Variants in ANKRD6 observed in about 807,000 individuals in gnomAD.
The protein encoded by ANKRD6 is ankyrin repeat domain 6, also known as ankyrin repeat domain-containing protein 6.
A neutral mutation model predicts 82.3 loss-of-function variants in ANKRD6; 56 were observed. That is an observed-to-expected ratio of 0.68 (90% confidence interval 0.55 to 0.85). ANKRD6 has a LOEUF of 0.85. Ranked by LOEUF, ANKRD6 falls within the 40% of genes least tolerant of loss-of-function variation. The pLI, the probability that ANKRD6 is intolerant of heterozygous loss-of-function variation, is 0.00. For missense variants in ANKRD6, 852 were observed against 907.6 expected (o/e 0.94, Z 0.79); for synonymous variants, 347 against 352.1 (o/e 0.99, Z 0.16).
At chr6:89,516,055 C>T (rs554939503) in intron 1 of ANKRD6, among the ~76,000 whole-genome samples, 12 of 152,292 alleles carry the variant, frequency 7.9e-5, no homozygotes, top group African/African-American at 2.2e-4. Context: ...GACTTTTGGC[C>T]TCCAAAACTG....
chr6:89,590,820 C>T (rs1193164276), intron 2 of ANKRD6, among the ~76,000 whole-genome samples: 1 of 152,202 alleles, frequency 6.6e-6, no homozygotes, highest in Non-Finnish European at 1.5e-5. Context: ...TCCCAAGCCT[C>T]AGTTTCCTTA....
intron 6 of ANKRD6, among the ~76,000 whole-genome samples, chr6:89,612,916 A>C (rs1800581353): frequency 6.6e-6 from 1 of 152,222 alleles, no homozygotes; most frequent in Non-Finnish European, 1.5e-5. Flanking sequence ...CGTTGGCTAA[A>C]TAAATAAATA....
chr6:89,589,505 C>A (rs1436134585), intron 2 of ANKRD6, among the ~76,000 whole-genome samples: 1 of 152,240 alleles, frequency 6.6e-6, no homozygotes, highest in African/African-American at 2.4e-5. Flanking sequence ...TTACCTTTGG[C>A]TGGGCTCCCT....
intron 1 of ANKRD6, among the ~76,000 whole-genome samples, chr6:89,496,147 A>G (rs1778587088): frequency 6.6e-6 from 1 of 151,482 alleles, no homozygotes; most frequent in African/African-American, 2.4e-5. Flanking sequence ...AACACTGACA[A>G]TGGGGATTAG....
chr6:89,558,654 G>A (rs967389872), intron 1 of ANKRD6, among the ~76,000 whole-genome samples: 9 of 152,216 alleles, frequency 5.9e-5, no homozygotes, highest in Non-Finnish European at 1.2e-4. Context: ...CAGATGCATG[G>A]TATTATTCAT....
At chr6:89,598,031 G>C (rs1435490171) in intron 3 of ANKRD6, 1 of 877,704 alleles carries the variant, frequency 1.1e-6, no homozygotes, top group African/African-American at 1.8e-5. Flanking sequence ...GTCTTGGATG[G>C]TGGGTAGAAA....
intron 1 of ANKRD6, among the ~76,000 whole-genome samples, chr6:89,513,213 G>A (rs1780768774): frequency 6.6e-6 from 1 of 152,146 alleles, no homozygotes; most frequent in African/African-American, 2.4e-5. Context: ...TGTCATGGCT[G>A]TTTTTTCTTT....
In ANKRD6 at chr6:89,606,074, A is replaced by G; in HGVS notation, c.386A>G (p.Lys129Arg). 1 of 1,584,262 alleles carries G rather than the reference A, an allele frequency of 6.3e-7. No individual in the cohort carries two copies. Among genetic ancestry groups the G allele is most frequent in the Non-Finnish European group, 8.6e-7 (1 of 1,164,604 alleles). Residue 129 changes from lysine (K) to arginine (R), a missense_variant, in exon 5 of 16, where the codon AAA becomes AGA. Coordinates refer to ENST00000339746, the MANE Select transcript of ANKRD6 (RefSeq NM_001242809.2). ...AGCCAGTCAGCCAAGCTGCTCATTA[A>G]AGCAGGAGCCAACGTGCTTGCCAAG... Reference protein sequence around the residue: ...GFSQSAKLLIKAGANVLAKNK... With the variant: ...GFSQSAKLLIRAGANVLAKNK...
chr6:89,628,048 A>G lies in ANKRD6; in HGVS notation c.1485+352A>G, dbSNP rs115658661. ...TTACTGTCTCACCAAGATAAGAGAC[A>G]TGGAATGAGTACAGTGAGTGTGTGA... is the stretch of plus-strand genomic sequence containing the variant. On this transcript the variant is annotated intron_variant, in intron 14 of 15. Coordinates refer to ENST00000339746, the MANE Select transcript of ANKRD6 (RefSeq NM_001242809.2). Among the ~76,000 whole-genome samples, 433 of 152,310 alleles carry G rather than the reference A, an allele frequency of 2.8e-3. 1 individual carries two copies. Among genetic ancestry groups the G allele is most frequent in the African/African-American group, 0.01 (417 of 41,568 alleles).
At chr6:89,560,029 C>T (rs923832509) in intron 1 of ANKRD6, among the ~76,000 whole-genome samples, 2 of 152,030 alleles carry the variant, frequency 1.3e-5, no homozygotes, top group Admixed American at 6.5e-5. Flanking sequence ...TCTGTGTTCC[C>T]GGCACCATGA....
intron 1 of ANKRD6, among the ~76,000 whole-genome samples, chr6:89,517,959 G>A (rs1485155499): frequency 1.3e-5 from 2 of 152,160 alleles, no homozygotes; most frequent in Admixed American, 6.5e-5. Context: ...ATGTCTTTAT[G>A]TATTCATGGA....
chr6:89,597,492 C>G (rs565223889), intron 3 of ANKRD6, among the ~76,000 whole-genome samples: 2 of 152,320 alleles, frequency 1.3e-5, no homozygotes, highest in Admixed American at 1.3e-4. Flanking sequence ...GGCATGCTAA[C>G]CCATTCCAAC....
At chr6:89,598,391 A>G (rs1466053945) in intron 3 of ANKRD6, 1 of 985,248 alleles carries the variant, frequency 1.0e-6, no homozygotes, top group Admixed American at 6.2e-5. Flanking sequence ...CACAGAGGGA[A>G]GGTTAGGAAG....
At position 89,468,739 on chromosome 6, in the gene ANKRD6, T is replaced by C. The variant is rs372843860; in HGVS notation, c.-144+35364T>C. Among the ~76,000 whole-genome samples the C allele has an allele frequency of 5.3e-5, 8 of 152,232 alleles. No individual in the cohort carries two copies. The South Asian group carries it at 1.5e-3, about 28-fold the overall frequency. Reference sequence around the variant, plus strand: ...TTCTAGCTAACCTTTTGTATTTCCCTGGCCCGTAATCTGTATTTAGAATTT... The same window carrying C: ...TTCTAGCTAACCTTTTGTATTTCCCCGGCCCGTAATCTGTATTTAGAATTT... On this transcript the variant is annotated intron_variant, in intron 1 of 15. Coordinates refer to ENST00000339746, the MANE Select transcript of ANKRD6 (RefSeq NM_001242809.2).
At chr6:89,541,334 A>ATCTT (rs1178263388) in intron 1 of ANKRD6, among the ~76,000 whole-genome samples, 1 of 142,870 alleles carries the variant, frequency 7.0e-6, no homozygotes, top group Non-Finnish European at 1.5e-5. Context: ...CATTATAGAG[A>ATCTT]TCTTTCACTT....
At chr6:89,541,387 C>CTTT (rs58643589) in intron 1 of ANKRD6, among the ~76,000 whole-genome samples, 1,457 of 64,162 alleles carry the variant, frequency 0.023, 29 homozygotes, top group Non-Finnish European at 0.025. Flanking sequence ...TTACGTGTGG[C>CTTT]TTTTTTTTTT....
chr6:89,551,464 C>T lies in ANKRD6; in HGVS notation c.-143-15370C>T, dbSNP rs112186635. On this transcript the variant is annotated intron_variant, in intron 1 of 15. Transcript: ENST00000339746. ...TCGCCCAGGGCTTTGGGAGATCCCC[C>T]AGGAAAAGGGTTGTCAGGACTGGAA... Among the ~76,000 whole-genome samples the T allele has an allele frequency of 7.2e-4, 110 of 152,292 alleles. 3 individuals carry two copies. The highest frequency in any genetic ancestry group is 6.8e-3 in the Middle Eastern group (2 of 294).
intron 1 of ANKRD6, among the ~76,000 whole-genome samples, chr6:89,472,693 A>G (rs1323538769): frequency 6.6e-6 from 1 of 152,170 alleles, no homozygotes; most frequent in Non-Finnish European, 1.5e-5. Context: ...AGGCTTAAAA[A>G]TTGAAAGACC....
At chr6:89,462,267 A>AATAATC (rs1389385594) in intron 1 of ANKRD6, among the ~76,000 whole-genome samples, 2 of 149,086 alleles carry the variant, frequency 1.3e-5, no homozygotes, top group East Asian at 1.9e-4. Flanking sequence ...TAATAATAAT[A>AATAATC]ATAAATACAT....
Sources: allele counts gnomAD v4.1 joint callset (sites outside exome capture counted in the v4.1 genomes callset), GRCh38; gene constraint gnomAD v4.1.1; transcripts MANE v1.5; gene names NCBI Gene and HGNC (gene_info 2026-07-23, HGNC 2026-07-21).